Variants in GRM8 observed in about 807,000 individuals in gnomAD.
GRM8 encodes the protein glutamate metabotropic receptor 8.
In GRM8, 47 loss-of-function variants were observed where a neutral mutation model predicts 87.2. The ratio of observed to expected loss-of-function variants is 0.54; its 90% confidence interval spans 0.43 to 0.69. The LOEUF (loss-of-function observed/expected upper bound fraction) is 0.69. GRM8 is among the 30% of genes least tolerant of loss of function. The pLI, the probability that GRM8 is intolerant of heterozygous loss-of-function variation, is 0.00. For missense variants in GRM8, 1,019 were observed against 1,139.2 expected (o/e 0.89, Z 1.52); for synonymous variants, 396 against 404.5 (o/e 0.98, Z 0.25).
chr7:127,106,808 C>T, intron 2 of GRM8, 96 bp from the exon 3 acceptor site: 4 of 847,190 alleles, frequency 4.7e-6, no homozygotes, highest in South Asian at 4.5e-5. Flanking sequence ...TACCAGAAAC[C>T]TAGACATATC....
chr7:127,081,832 G>A (rs1291512348), intron 3 of GRM8, among the ~76,000 whole-genome samples: 1 of 152,194 alleles, frequency 6.6e-6, no homozygotes, highest in Non-Finnish European at 1.5e-5. Context: ...AGGTAAAGGT[G>A]CAGAGAGAGA....
intron 3 of GRM8, among the ~76,000 whole-genome samples, chr7:127,037,381 C>A (rs910216028): frequency 2.0e-5 from 3 of 152,096 alleles, no homozygotes; most frequent in Non-Finnish European, 4.4e-5. Flanking sequence ...GGGAATTTTC[C>A]AAGCTACTGT....
chr7:127,115,596 T>C (rs1826654098), intron 2 of GRM8, among the ~76,000 whole-genome samples: 1 of 152,186 alleles, frequency 6.6e-6, no homozygotes, highest in African/African-American at 2.4e-5. Flanking sequence ...AAGCAATCTA[T>C]GAACATGAAA....
intron 9 of GRM8, among the ~76,000 whole-genome samples, chr7:126,459,022 T>G (rs1449025259): frequency 6.8e-6 from 1 of 147,514 alleles, no homozygotes; most frequent in Non-Finnish European, 1.5e-5. Flanking sequence ...AAAAAAAAAG[T>G]AAACTCAACA....
intron 8 of GRM8, among the ~76,000 whole-genome samples, chr7:126,565,664 A>C (rs1794152961): frequency 6.7e-6 from 1 of 149,496 alleles, no homozygotes; most frequent in African/African-American, 2.4e-5. Flanking sequence ...ATCCCAAAGA[A>C]ATTTCATAGA....
At chr7:127,137,510 G>T (rs969011742) in intron 2 of GRM8, among the ~76,000 whole-genome samples, 10 of 152,092 alleles carry the variant, frequency 6.6e-5, no homozygotes, top group Non-Finnish European at 1.3e-4. Context: ...TCCTGTATGT[G>T]AATAGATTTT....
At chr7:127,170,568 T>C (rs550067620) in intron 2 of GRM8, among the ~76,000 whole-genome samples, 1 of 152,252 alleles carries the variant, frequency 6.6e-6, no homozygotes, top group East Asian at 1.9e-4. Context: ...CAATTTGCAG[T>C]TGCAAAAACA....
chr7:127,194,276 C>T (rs184619921), intron 2 of GRM8, among the ~76,000 whole-genome samples: 55 of 152,284 alleles, frequency 3.6e-4, no homozygotes, highest in African/African-American at 1.2e-3. Context: ...TCTCTCTTAG[C>T]TTTAGTTTCT....
chr7:126,626,360 T>C (rs1800690389), intron 7 of GRM8, among the ~76,000 whole-genome samples: 2 of 152,214 alleles, frequency 1.3e-5, no homozygotes, highest in Admixed American at 1.3e-4. Context: ...TAAATTATGC[T>C]GTTGATATTT....
intron 3 of GRM8, among the ~76,000 whole-genome samples, chr7:127,025,822 A>C (rs1816722085): frequency 6.6e-6 from 1 of 152,040 alleles, no homozygotes. Flanking sequence ...GAGCTACTTT[A>C]ATTTAACAAT....
chr7:126,798,028 G>A (rs1386813553), intron 6 of GRM8, among the ~76,000 whole-genome samples: 2 of 152,112 alleles, frequency 1.3e-5, no homozygotes, highest in Non-Finnish European at 2.9e-5. Flanking sequence ...ACGCCTCTAA[G>A]AGAAGGGCCA....
At chr7:126,600,038 T>G (rs2151070469) in intron 8 of GRM8, among the ~76,000 whole-genome samples, 1 of 152,310 alleles carries the variant, frequency 6.6e-6, no homozygotes, top group East Asian at 1.9e-4. Context: ...TAAAAGAATT[T>G]AAAGTCTAGT....
At chr7:126,458,542 A>G (rs1239513943) in intron 9 of GRM8, among the ~76,000 whole-genome samples, 1 of 151,324 alleles carries the variant, frequency 6.6e-6, no homozygotes, top group East Asian at 1.9e-4. Flanking sequence ...ATCATGAGAG[A>G]TTTTAATTCA....
intron 3 of GRM8, among the ~76,000 whole-genome samples, chr7:127,103,801 A>C (rs569492787): frequency 8.5e-5 from 13 of 152,176 alleles, no homozygotes; most frequent in Non-Finnish European, 1.3e-4. Flanking sequence ...ATGCCTTGGG[A>C]TGACACTATA....
At chr7:127,152,976 C>T (rs982102218) in intron 2 of GRM8, among the ~76,000 whole-genome samples, 1 of 152,146 alleles carries the variant, frequency 6.6e-6, no homozygotes, top group South Asian at 2.1e-4. Flanking sequence ...AAAATTCTTA[C>T]AGCTCTTCAT....
intron 6 of GRM8, among the ~76,000 whole-genome samples, chr7:126,848,650 A>C (rs111982285): frequency 0.027 from 4,114 of 151,920 alleles, 189 homozygotes; most frequent in African/African-American, 0.094. Context: ...GCGAAACTCA[A>C]TCTCTACAAA....
chr7:127,102,205 CT>C (rs988792583), intron 3 of GRM8, among the ~76,000 whole-genome samples: 1 of 152,152 alleles, frequency 6.6e-6, no homozygotes, highest in African/African-American at 2.4e-5. Context: ...TGACTTAAAG[CT>C]GCAACTTATA....
chr7:127,238,577 T>G (rs983844910), intron 2 of GRM8, among the ~76,000 whole-genome samples: 1 of 152,188 alleles, frequency 6.6e-6, no homozygotes, highest in Non-Finnish European at 1.5e-5. Context: ...AACAGCAGTA[T>G]GAACCCCACC....
intron 6 of GRM8, among the ~76,000 whole-genome samples, chr7:126,810,755 C>T (rs914358636): frequency 2.0e-5 from 3 of 152,146 alleles, no homozygotes; most frequent in Non-Finnish European, 2.9e-5. Flanking sequence ...TTATGTACCT[C>T]ACTCAGATTT....
Sources: gnomAD v4.1 joint callset for allele counts (sites outside exome capture counted in the v4.1 genomes callset) on GRCh38, gnomAD v4.1.1 for gene constraint, MANE v1.5 for transcripts, NCBI Gene and HGNC (gene_info 2026-07-23, HGNC 2026-07-21) for gene names.